The following ATG7 variants were observed in gnomAD, a reference collection of about 807,000 sequenced individuals.
ATG7 encodes the protein autophagy related 7, also known as ubiquitin-like modifier-activating enzyme ATG7.
A neutral mutation model predicts 82.4 loss-of-function variants in ATG7; 70 were observed. The ratio of observed to expected loss-of-function variants is 0.85; its 90% CI spans 0.70 to 1.04. The LOEUF is 1.04. ATG7 is among the 50% of genes least tolerant of loss of function. The pLI is 0.00. For missense variants in ATG7, 792 were observed against 864.3 expected (o/e 0.92, Z 1.05); for synonymous variants, 287 against 313.0 (o/e 0.92, Z 0.88).
chr3:11,520,574 A>C (rs1477604364), intron 20 of ATG7, among the ~76,000 whole-genome samples: 1 of 152,184 alleles, frequency 6.6e-6, no homozygotes, highest in African/African-American at 2.4e-5. Flanking sequence ...AGGAACACAC[A>C]CACAGGCAGC....
intron 19 of ATG7, among the ~76,000 whole-genome samples, chr3:11,403,956 T>G (rs911637297): frequency 6.6e-6 from 1 of 152,162 alleles, no homozygotes; most frequent in Non-Finnish European, 1.5e-5. Flanking sequence ...AATGTCTTTT[T>G]GTTTGCATTT....
rs192003486 is a variant in ATG7, at chr3:11,341,267, G to A, written c.980+532G>A. ...AGTAGAGACAGGGTTTCACTGTGTT[G>A]CCCAGGCTGGACTCGAACTCCTGAC... On this transcript the variant is annotated intron_variant, in intron 12 of 20. Coordinates refer to ENST00000693202, the MANE Select transcript of ATG7 (RefSeq NM_001349232.2). Among the ~76,000 whole-genome samples the A allele has an allele frequency of 8.6e-4, 130 of 151,866 alleles. 3 individuals are homozygous for A. Among genetic ancestry groups the A allele is most frequent in the East Asian group, 2.5e-3 (13 of 5,128 alleles).
intron 18 of ATG7, among the ~76,000 whole-genome samples, chr3:11,367,086 G>C (rs1271680690): frequency 6.6e-6 from 1 of 151,580 alleles, no homozygotes. Flanking sequence ...AGTGGAGAAA[G>C]AACTTTAAAA....
chr3:11,378,973 C>G (rs1441894902), intron 18 of ATG7, among the ~76,000 whole-genome samples: 4 of 151,904 alleles, frequency 2.6e-5, no homozygotes, highest in African/African-American at 9.7e-5. Flanking sequence ...TGTGAGAAGA[C>G]CTAGTGTTGA....
intron 20 of ATG7, among the ~76,000 whole-genome samples, chr3:11,474,870 A>C (rs550385922): frequency 6.6e-6 from 1 of 151,800 alleles, no homozygotes; most frequent in South Asian, 2.1e-4. Context: ...ATGGGGTGGG[A>C]GTGGGGGGCC....
At chr3:11,360,922 A>T in intron 16 of ATG7, 138 bp downstream of exon 16, 1 of 995,750 alleles carries the variant, frequency 1.0e-6, no homozygotes, top group Non-Finnish European at 1.5e-6. Context: ...TTTGGGGAGG[A>T]TGGCATTATC....
At chr3:11,408,807 A>G (rs1323446667) in intron 19 of ATG7, among the ~76,000 whole-genome samples, 1 of 152,152 alleles carries the variant, frequency 6.6e-6, no homozygotes, top group African/African-American at 2.4e-5. Context: ...CCCATAACAC[A>G]TTGGAATTAT....
At chr3:11,307,831 T>C (rs1357504301) in intron 6 of ATG7, among the ~76,000 whole-genome samples, 1 of 152,190 alleles carries the variant, frequency 6.6e-6, no homozygotes, top group East Asian at 1.9e-4. Context: ...GTGGGTGCAG[T>C]GGTCAGGTCC....
At chr3:11,347,156 G>T (rs1240721578) in intron 13 of ATG7, among the ~76,000 whole-genome samples, 1 of 152,282 alleles carries the variant, frequency 6.6e-6, no homozygotes, top group East Asian at 1.9e-4. Flanking sequence ...TTAACCAGAT[G>T]TATCTCTTAG....
intron 20 of ATG7, among the ~76,000 whole-genome samples, chr3:11,435,077 A>G (rs950710028): frequency 3.3e-5 from 5 of 152,266 alleles, no homozygotes; most frequent in Non-Finnish European, 5.9e-5. Context: ...TATACCATGT[A>G]TAACCAAAAA....
At chr3:11,289,311 G>A (rs901568203) in intron 3 of ATG7, among the ~76,000 whole-genome samples, 4 of 152,082 alleles carry the variant, frequency 2.6e-5, no homozygotes, top group African/African-American at 7.2e-5. Context: ...ATTCCCCTCC[G>A]ACCATTACTT....
intron 20 of ATG7, among the ~76,000 whole-genome samples, chr3:11,508,891 C>A (rs573682243): frequency 6.6e-5 from 10 of 152,220 alleles, no homozygotes; most frequent in Non-Finnish European, 1.0e-4. Flanking sequence ...TCTGCACTTA[C>A]AAAACTAATA....
Position 11,360,563 on chromosome 3 carries a change from A to G in ATG7, c.1480-18A>G, listed in dbSNP as rs1161956967. ...ATGTGTCTTTTAACTCTGCTCTTTC[A>G]TTCCTTGAAACCTGCAGCTGGTCAT... On this transcript the variant is annotated intron_variant, in intron 15 of 20. Transcript: ENST00000693202. The G allele has an allele frequency of 2.5e-6, 4 of 1,608,728 alleles. No individual in the cohort carries two copies. In the African/African-American group the frequency reaches 4.0e-5, roughly 16 times the overall value.
chr3:11,331,265 G>C, intron 9 of ATG7, 75 bp from the exon 10 acceptor site: 2 of 1,185,878 alleles, frequency 1.7e-6, no homozygotes, highest in Non-Finnish European at 2.5e-6. Flanking sequence ...AAAGCAAAGA[G>C]GAAGTATGAG....
intron 9 of ATG7, among the ~76,000 whole-genome samples, chr3:11,320,193 G>A (rs575117496): frequency 5.3e-5 from 8 of 151,180 alleles, no homozygotes; most frequent in East Asian, 3.9e-4. Flanking sequence ...CCTTTGCTCC[G>A]TTAAGTGCTC....
intron 18 of ATG7, among the ~76,000 whole-genome samples, chr3:11,372,813 TGTGC>T (rs1274918763): frequency 3.8e-5 from 3 of 79,434 alleles, no homozygotes; most frequent in Non-Finnish European, 5.8e-5. Flanking sequence ...TGTGTGTGTG[TGTGC>T]GCGCGTGTGC....
intron 19 of ATG7, among the ~76,000 whole-genome samples, chr3:11,412,699 CT>C (rs937786024): frequency 2.6e-5 from 4 of 151,000 alleles, no homozygotes; most frequent in Middle Eastern, 3.2e-3. Context: ...TTTAGGATGG[CT>C]TTTTTTTTAT....
At chr3:11,288,774 C>G (rs1196038351) in intron 3 of ATG7, 5 of 152,302 alleles carry the variant, frequency 3.3e-5, no homozygotes, top group African/African-American at 1.2e-4. Flanking sequence ...TTCTGAGCTC[C>G]TACTTGTGCT....
chr3:11,378,685 C>CAAAAAAAAAAAAAAAAAAAAAA (rs368506515), intron 18 of ATG7, among the ~76,000 whole-genome samples: 2 of 78,968 alleles, frequency 2.5e-5, no homozygotes, highest in African/African-American at 1.4e-4. Context: ...ACTCCATCTC[C>CAAAAAAAAAAAAAAAAAAAAAA]AAAAAAAAAA....
Sources: gnomAD v4.1 joint callset for allele counts (sites outside exome capture counted in the v4.1 genomes callset) on GRCh38, gnomAD v4.1.1 for gene constraint, MANE v1.5 for transcripts, NCBI Gene and HGNC (gene_info 2026-07-23, HGNC 2026-07-21) for gene names.